The following GALNT1 variants were observed in gnomAD, a reference collection of about 807,000 sequenced individuals.
GALNT1 encodes the protein polypeptide N-acetylgalactosaminyltransferase 1.
GALNT1 carries 17 observed loss-of-function variants against 65.7 expected under a neutral mutation model. The ratio of observed to expected loss-of-function variants is 0.26; its 90% CI spans 0.18 to 0.39. GALNT1 has a LOEUF of 0.39. Ranked by LOEUF, GALNT1 falls within the 10% of genes least tolerant of loss-of-function variation. GALNT1 has a pLI of 1.00. For synonymous variants in GALNT1, 210 were observed against 219.7 expected, an observed-to-expected ratio of 0.96 and a Z score of 0.39; for missense variants, 460 against 672.8, an observed-to-expected ratio of 0.68 and a Z score of 3.50.
At chr18:35,664,083 C>G (rs886568546) in intron 3 of GALNT1, 1 of 362,496 alleles carries the variant, frequency 2.8e-6, no homozygotes, top group Admixed American at 4.7e-5. Flanking sequence ...ACATACTCAA[C>G]TTTTTACAAA....
chr18:35,692,650 A>G (rs570170573), intron 9 of GALNT1, among the ~76,000 whole-genome samples: 1 of 152,038 alleles, frequency 6.6e-6, no homozygotes, highest in Admixed American at 6.6e-5. Context: ...AAATCTGTAT[A>G]TATATTAAAA....
In GALNT1 at chr18:35,670,320, A is replaced by T. The variant is rs115078533; in HGVS notation, c.314+6518A>T. 9.0e-3 allele frequency among the ~76,000 whole-genome samples: 1,365 copies of T among 152,240 alleles called. 22 individuals carry two copies. The highest frequency in any genetic ancestry group is 0.029 in the African/African-American group (1,222 of 41,522). On this transcript the variant is annotated intron_variant, in intron 3 of 11. Transcript: ENST00000269195. ...AAAAAAAAGAAAAAAAATATTCAGTAAGGTTGAAGGTTTTAAGGTCTATAT... is the reference window on the plus strand; with the variant it reads ...AAAAAAAAGAAAAAAAATATTCAGTTAGGTTGAAGGTTTTAAGGTCTATAT...
At chr18:35,655,457 C>A (rs1399432883) in intron 2 of GALNT1, among the ~76,000 whole-genome samples, 3 of 149,954 alleles carry the variant, frequency 2.0e-5, no homozygotes, top group African/African-American at 7.4e-5. Flanking sequence ...GTTTTAAACT[C>A]CTTTTATTCA....
intron 1 of GALNT1, among the ~76,000 whole-genome samples, chr18:35,618,898 G>A (rs2046817712): frequency 6.6e-6 from 1 of 152,150 alleles, no homozygotes; most frequent in African/African-American, 2.4e-5. Flanking sequence ...ACCGAGTTGA[G>A]GGAGGGAGGC....
intron 1 of GALNT1, among the ~76,000 whole-genome samples, chr18:35,593,794 C>T (rs1411872211): frequency 8.6e-5 from 13 of 152,010 alleles, no homozygotes; most frequent in Non-Finnish European, 1.5e-4. Flanking sequence ...CTGCAACCTC[C>T]GCCTCTCGGG....
rs116564299 is a variant in GALNT1 at position 35,677,808 on chromosome 18, C to T, written c.481+51C>T. 5.6e-4 allele frequency: 752 copies of T among 1,334,150 alleles called. 3 individuals carry two copies. The African/African-American group carries it at 9.4e-3, about 17-fold the overall frequency. The allele number at this position is 1,334,150 out of a possible 1,614,324, so 82.6% of individuals were successfully genotyped here. ...AATTTGCTACACCTTTTGTCACTAA[C>T]GGTTAAAACTAGTTGCTATAATTTT... On this transcript the variant is annotated intron_variant, in intron 4 of 11. Transcript: ENST00000269195.
intron 11 of GALNT1, among the ~76,000 whole-genome samples, chr18:35,706,481 G>C (rs970839637): frequency 6.6e-6 from 1 of 151,864 alleles, no homozygotes; most frequent in African/African-American, 2.4e-5. Context: ...CAGCCTGGGC[G>C]ACAGAGTGAG....
At chr18:35,629,696 G>C (rs1038194102) in intron 1 of GALNT1, among the ~76,000 whole-genome samples, 3 of 152,132 alleles carry the variant, frequency 2.0e-5, no homozygotes, top group African/African-American at 7.2e-5. Context: ...ATAATGACAG[G>C]ATCAAATTCA....
At chr18:35,647,813 T>C (rs1354622161) in intron 1 of GALNT1, among the ~76,000 whole-genome samples, 2 of 152,202 alleles carry the variant, frequency 1.3e-5, no homozygotes, top group Non-Finnish European at 2.9e-5. Flanking sequence ...GTTAGAAATA[T>C]GAGGGGTAGG....
At chr18:35,630,705 G>C (rs1171773575) in intron 1 of GALNT1, among the ~76,000 whole-genome samples, 1 of 152,144 alleles carries the variant, frequency 6.6e-6, no homozygotes, top group African/African-American at 2.4e-5. Flanking sequence ...ACTAAGATCA[G>C]AGCAGAACTA....
rs1455885741 is a variant in GALNT1, at chr18:35,686,928, A to G, written c.690-88A>G. On this transcript the variant is annotated intron_variant, in intron 5 of 11. Transcript: ENST00000269195. ...CCTGTTTCAAGGGAAAAAATAAAAAATAAAAACACTTACTATACAATTGTT... is the reference window on the plus strand; with the variant it reads ...CCTGTTTCAAGGGAAAAAATAAAAAGTAAAAACACTTACTATACAATTGTT... The G allele has an allele frequency of 3.1e-6, 4 of 1,306,712 alleles. No individual in the cohort carries two copies. The African/African-American group carries it at 6.0e-5, about 20-fold the overall frequency. The allele number at this position is 1,306,712 out of a possible 1,614,324, so 80.9% of individuals were successfully genotyped here. A position where few individuals can be genotyped will look rare whatever the true frequency, so the allele number is the denominator to read the frequency against.
At chr18:35,628,084 G>A (rs983064422) in intron 1 of GALNT1, among the ~76,000 whole-genome samples, 5 of 152,214 alleles carry the variant, frequency 3.3e-5, no homozygotes, top group Non-Finnish European at 5.9e-5. Context: ...CTCGAACTGG[G>A]TGGAACCCAC....
intron 1 of GALNT1, among the ~76,000 whole-genome samples, chr18:35,601,908 T>A (rs899945740): frequency 4.6e-5 from 7 of 152,220 alleles, no homozygotes; most frequent in African/African-American, 1.4e-4. Context: ...GTGAATGGAT[T>A]ACACATTGCA....
intron 1 of GALNT1, among the ~76,000 whole-genome samples, chr18:35,613,879 A>G (rs2046749940): frequency 6.6e-6 from 1 of 151,930 alleles, no homozygotes; most frequent in Non-Finnish European, 1.5e-5. Context: ...GGTGGGGGAA[A>G]AAAAAACAAC....
chr18:35,676,715 T>C (rs1027226626), intron 3 of GALNT1, among the ~76,000 whole-genome samples: 3 of 152,162 alleles, frequency 2.0e-5, no homozygotes, highest in African/African-American at 7.2e-5. Context: ...GAGATAATTA[T>C]ATATGCACTG....
chr18:35,659,033 C>G (rs79554304), intron 2 of GALNT1, among the ~76,000 whole-genome samples: 2,079 of 152,202 alleles, frequency 0.014, 42 homozygotes, highest in African/African-American at 0.046. Flanking sequence ...TAATAGAACA[C>G]ATAGGGCCTC....
intron 1 of GALNT1, among the ~76,000 whole-genome samples, chr18:35,610,395 C>T (rs909801237): frequency 5.9e-5 from 9 of 152,264 alleles, no homozygotes; most frequent in African/African-American, 1.9e-4. Context: ...GTTTATGGAG[C>T]GTTCCTTACT....
At chr18:35,667,219 T>C (rs1368508638) in intron 3 of GALNT1, among the ~76,000 whole-genome samples, 1 of 152,196 alleles carries the variant, frequency 6.6e-6, no homozygotes, top group Non-Finnish European at 1.5e-5. Context: ...TCCTTCAATA[T>C]TATGTTATCA....
Position 35,670,874 on chromosome 18 carries a change from A to G in GALNT1, c.315-6717A>G, listed in dbSNP as rs571607802. Among the ~76,000 whole-genome samples the G allele has an allele frequency of 2.6e-5, 4 of 152,332 alleles. No homozygotes were observed. The East Asian group carries it at 7.7e-4, about 29-fold the overall frequency. ...GGCAGTAGGAGAAGGATGATCTTCT[A>G]AAAAATGAACAAATGAATGACGCTG... On this transcript the variant is annotated intron_variant, in intron 3 of 11. Transcript: ENST00000269195.
Sources: gnomAD v4.1 joint callset for allele counts (sites outside exome capture counted in the v4.1 genomes callset) on GRCh38, gnomAD v4.1.1 for gene constraint, MANE v1.5 for transcripts, NCBI Gene and HGNC (gene_info 2026-07-23, HGNC 2026-07-21) for gene names.